ZSCAN25: variants seen among roughly 807,000 people sequenced by gnomAD.
ZSCAN25 encodes zinc finger and SCAN domain containing 25, also known as zinc finger and SCAN domain-containing protein 25.
In ZSCAN25, 27 loss-of-function variants were observed where a neutral mutation model predicts 38.7. That is an observed-to-expected ratio of 0.70 (90% CI 0.51 to 0.96). The LOEUF (loss-of-function observed/expected upper bound fraction) is 0.96. Ranked by LOEUF, ZSCAN25 falls within the 40% of genes least tolerant of loss-of-function variation. The pLI is 0.00. For synonymous variants in ZSCAN25, 273 were observed against 277.7 expected, an observed-to-expected ratio of 0.98 and a Z score of 0.17; for missense variants, 637 against 705.9, an observed-to-expected ratio of 0.90 and a Z score of 1.11.
At chr7:99,660,096 C>T in the ZSCAN25 span, 4 of 561,074 alleles carry the variant, frequency 7.1e-6, no homozygotes, top group Admixed American at 1.2e-4. Context: ...CAACAATCCC[C>T]ATTGAGATGC....
the ZSCAN25 span, among the ~76,000 whole-genome samples, chr7:99,734,615 C>CT: frequency 3.3e-5 from 5 of 149,894 alleles, no homozygotes; most frequent in East Asian, 3.9e-4. Context: ...CTTTTTTTTT[C>CT]TTTTTTTTCT....
chr7:99,621,422 G>T lies in ZSCAN25; in HGVS notation c.437G>T (p.Gly146Val). 1 of 1,529,782 alleles carries T rather than the reference G, an allele frequency of 6.5e-7. No homozygotes were observed. The highest frequency in any genetic ancestry group is 8.8e-7 in the Non-Finnish European group (1 of 1,131,562). 94.8% of individuals were successfully genotyped at this position (1,529,782 alleles called of 1,614,324 possible). A position where few individuals can be genotyped will look rare whatever the true frequency, so the allele number is the denominator to read the frequency against. ...GEQEETALCR[G>V]AWEPGIQLGP... ...CAGGAGGAAACAGCACTTTGCAGAG[G>T]CGCTTGGGAGCCAGGCATCCAGCTG... Residue 146 changes from glycine (G) to valine (V), a missense_variant, in exon 5 of 8, where the codon GGC becomes GTC. By Grantham distance (109) the Gly-to-Val change is moderately radical (BLOSUM62 -3). Transcript: ENST00000394152.
the ZSCAN25 span, among the ~76,000 whole-genome samples, chr7:99,643,194 G>T: frequency 2.1e-4 from 32 of 151,900 alleles, no homozygotes. Flanking sequence ...ACCTTTTATG[G>T]TTGCATTATG....
chr7:99,620,857 T>C (rs1806895092), intron 4 of ZSCAN25: 1 of 152,348 alleles, frequency 6.6e-6, no homozygotes, highest in Admixed American at 6.5e-5. Context: ...CCTGGCTCAG[T>C]TGATCCTCCC....
chr7:99,696,895 T>C, the ZSCAN25 span, among the ~76,000 whole-genome samples: 14 of 152,154 alleles, frequency 9.2e-5, no homozygotes, highest in African/African-American at 3.4e-4. Context: ...GGCTTATAAG[T>C]GTGTGGCACC....
At chr7:99,706,502 G>T in the ZSCAN25 span, among the ~76,000 whole-genome samples, 1 of 152,208 alleles carries the variant, frequency 6.6e-6, no homozygotes, top group African/African-American at 2.4e-5. Flanking sequence ...TATGTAGAAA[G>T]CCTGCTTAAG....
At chr7:99,732,996 A>C in the ZSCAN25 span, among the ~76,000 whole-genome samples, 9 of 152,196 alleles carry the variant, frequency 5.9e-5, no homozygotes, top group African/African-American at 2.2e-4. Flanking sequence ...GACTCTGATA[A>C]TATGTGGTAA....
chr7:99,685,274 A>C, the ZSCAN25 span: 1 of 1,611,872 alleles, frequency 6.2e-7, no homozygotes, highest in African/African-American at 1.3e-5. Flanking sequence ...AGCATTAAAT[A>C]AAGCAAAATT....
the ZSCAN25 span, chr7:99,735,248 G>GGA: frequency 1.9e-6 from 2 of 1,055,350 alleles, no homozygotes; most frequent in Non-Finnish European, 2.8e-6. Context: ...AGGCAGGGCT[G>GGA]GAGCTGCAGC....
Position 99,629,420 on chromosome 7 carries a change from G to T in ZSCAN25, c.1035G>T (p.Trp345Cys). The T allele has an allele frequency of 1.2e-6, 2 of 1,614,206 alleles. No homozygotes were observed. Among genetic ancestry groups the T allele is most frequent in the Non-Finnish European group, 1.7e-6 (2 of 1,180,036 alleles). Residue 345 changes from tryptophan (W) to cysteine (C), a missense_variant, in exon 8 of 8, where the codon TGG becomes TGT. Physicochemically the swap from Trp to Cys is radical, Grantham distance 215. Coordinates refer to ENST00000394152, the MANE Select transcript of ZSCAN25 (RefSeq NM_145115.3). The surrounding 1 kb of genome is among the most constrained non-coding windows in gnomAD (Gnocchi z 5.6). ...AAGTCAAAACCCACAGCTCCTTCTGGAAGCCTTTCCAGTGCCCTGAGTGTG... is the reference window on the plus strand; with the variant it reads ...AAGTCAAAACCCACAGCTCCTTCTGTAAGCCTTTCCAGTGCCCTGAGTGTG... ...PDEVKTHSSF[W>C]KPFQCPECGK...
the ZSCAN25 span, among the ~76,000 whole-genome samples, chr7:99,712,661 T>TAGAC: frequency 6.6e-6 from 1 of 152,000 alleles, no homozygotes; most frequent in African/African-American, 2.4e-5. Flanking sequence ...GATAGATAGA[T>TAGAC]AGACAGACAG....
chr7:99,619,409 T>G, intron 3 of ZSCAN25, 152 bp from the exon 4 acceptor site: 1 of 609,516 alleles, frequency 1.6e-6, no homozygotes, highest in Non-Finnish European at 2.8e-6. Context: ...AAATGATTAC[T>G]ATGTTGAATT....
At chr7:99,723,376 C>G in the ZSCAN25 span, among the ~76,000 whole-genome samples, 2 of 152,158 alleles carry the variant, frequency 1.3e-5, no homozygotes, top group Admixed American at 1.3e-4. Flanking sequence ...CACCTTGTGA[C>G]CCCCTCCTCT....
intron 7 of ZSCAN25, among the ~76,000 whole-genome samples, chr7:99,626,279 A>G (rs1201332725): frequency 1.3e-5 from 2 of 152,136 alleles, no homozygotes; most frequent in African/African-American, 2.4e-5. Context: ...TGCTCAGAGG[A>G]GTAAGGAGGA....
the ZSCAN25 span, among the ~76,000 whole-genome samples, chr7:99,654,487 G>A: frequency 6.6e-6 from 1 of 152,304 alleles, no homozygotes; most frequent in East Asian, 1.9e-4. Flanking sequence ...ATCATTATTG[G>A]ACATTTGGGT....
the ZSCAN25 span, chr7:99,666,582 T>C: frequency 1.9e-6 from 3 of 1,611,830 alleles, no homozygotes; most frequent in African/African-American, 1.3e-5. Context: ...CAGAACCCCA[T>C]GGCTGTGCTC....
chr7:99,713,614 C>T, the ZSCAN25 span: 17 of 1,597,150 alleles, frequency 1.1e-5, no homozygotes, highest in Non-Finnish European at 1.5e-5. Flanking sequence ...AGTCCTCAAC[C>T]TCCCTTCTGA....
chr7:99,691,904 A>C, the ZSCAN25 span, among the ~76,000 whole-genome samples: 3 of 152,094 alleles, frequency 2.0e-5, no homozygotes, highest in African/African-American at 7.2e-5. Context: ...ATTTAAGGTT[A>C]ATATTGATAT....
the ZSCAN25 span, chr7:99,662,746 C>T: frequency 7.1e-7 from 1 of 1,415,358 alleles, no homozygotes; most frequent in Non-Finnish European, 9.9e-7. The surrounding 1 kb of genome is among the most constrained non-coding windows in gnomAD (Gnocchi z 4.3). Flanking sequence ...ATACTTCCTG[C>T]ACATTTTCAG....
Sources: allele counts gnomAD v4.1 joint callset (sites outside exome capture counted in the v4.1 genomes callset), GRCh38; gene constraint gnomAD v4.1.1; non-coding constraint Gnocchi (gnomAD v3.1); transcripts MANE v1.5; gene names NCBI Gene and HGNC (gene_info 2026-07-23, HGNC 2026-07-21).